Variants in HIVEP2 observed in about 807,000 individuals in gnomAD.
HIVEP2 encodes the protein transcription factor HIVEP2.
Under a neutral mutation model 180.7 loss-of-function variants are expected in HIVEP2, and 14 were observed. That is an observed-to-expected ratio of 0.08 (90% CI 0.05 to 0.12). The LOEUF (loss-of-function observed/expected upper bound fraction) is 0.12. HIVEP2 is among the 10% of genes least tolerant of loss of function. HIVEP2 has a pLI of 1.00. For missense variants in HIVEP2, 2,579 were observed against 3,008.5 expected, an observed-to-expected ratio of 0.86 and a Z score of 3.34; for synonymous variants, 1,184 against 1,136.4, an observed-to-expected ratio of 1.04 and a Z score of -0.84.
At chr6:142,860,272 T>A (rs1775941923) in intron 1 of HIVEP2, among the ~76,000 whole-genome samples, 1 of 152,168 alleles carries the variant, frequency 6.6e-6, no homozygotes, top group Non-Finnish European at 1.5e-5. Context: ...TATATGTATA[T>A]TTTATCATTT....
chr6:142,903,860 T>C (rs988491112), intron 1 of HIVEP2, among the ~76,000 whole-genome samples: 4 of 151,766 alleles, frequency 2.6e-5, no homozygotes, highest in African/African-American at 9.7e-5. Context: ...ACAAAGCAAA[T>C]GATTGCACCA....
At chr6:142,867,941 A>G (rs1361550741) in intron 1 of HIVEP2, among the ~76,000 whole-genome samples, 1 of 152,188 alleles carries the variant, frequency 6.6e-6, no homozygotes. Flanking sequence ...TAAATTTCCA[A>G]CAGTCTCACG....
At chr6:142,914,270 T>A (rs1777494277) in intron 1 of HIVEP2, among the ~76,000 whole-genome samples, 1 of 152,216 alleles carries the variant, frequency 6.6e-6, no homozygotes, top group Non-Finnish European at 1.5e-5. Context: ...TCAGAATGTG[T>A]CTTACTATGG....
At chr6:142,793,930 G>A (rs1309411038) in intron 2 of HIVEP2, 1 of 152,078 alleles carries the variant, frequency 6.6e-6, no homozygotes, top group Non-Finnish European at 1.5e-5. Context: ...GTCTCCCAAA[G>A]TGTTGGGATT....
chr6:142,759,857 G>A lies in HIVEP2; in HGVS notation c.6431C>T (p.Pro2144Leu). Residue 2144 changes from proline to leucine, a missense_variant, in exon 9 of 10, where the codon CCA (proline) becomes CTA (leucine). Transcript: ENST00000367603. ...ERRYMTTIRA[P>L]SPRRALYHNP... ...ATGGTATAAAGCCCTTCTGGGAGAT[G>A]GCGCTCTTATTGTGGTCATGTATCT... The A allele has an allele frequency of 1.2e-6, 2 of 1,614,100 alleles. No homozygotes were observed. The highest frequency in any genetic ancestry group is 1.7e-6 in the Non-Finnish European group (2 of 1,179,956).
At chr6:142,755,069 C>A (rs9496454) in intron 9 of HIVEP2, among the ~76,000 whole-genome samples, 1,893 of 152,260 alleles carry the variant, frequency 0.012, 40 homozygotes, top group African/African-American at 0.044. Context: ...AGAAACTGTT[C>A]TATTTCAAGA....
intron 1 of HIVEP2, among the ~76,000 whole-genome samples, chr6:142,845,913 G>A (rs1775503599): frequency 6.6e-6 from 1 of 152,256 alleles, no homozygotes; most frequent in African/African-American, 2.4e-5. Flanking sequence ...CTAAGCGACT[G>A]GGGACAGCCA....
intron 1 of HIVEP2, among the ~76,000 whole-genome samples, chr6:142,917,873 T>C (rs890283123): frequency 2.0e-5 from 3 of 152,166 alleles, no homozygotes; most frequent in Non-Finnish European, 2.9e-5. Flanking sequence ...CCTCCTGGGT[T>C]CAAGCAGTTC....
intron 1 of HIVEP2, among the ~76,000 whole-genome samples, chr6:142,897,262 G>A (rs1236764887): frequency 6.6e-6 from 1 of 152,184 alleles, no homozygotes; most frequent in Admixed American, 6.5e-5. Flanking sequence ...GTTGAGGACA[G>A]TTAGGACCCT....
intron 1 of HIVEP2, among the ~76,000 whole-genome samples, chr6:142,939,089 A>C (rs1180347947): frequency 1.3e-5 from 2 of 152,208 alleles, no homozygotes; most frequent in Admixed American, 6.5e-5. Flanking sequence ...TCCGTAGTAA[A>C]AAAAATTTTA....
At chr6:142,831,958 A>G (rs1351477895) in intron 2 of HIVEP2, among the ~76,000 whole-genome samples, 2 of 152,128 alleles carry the variant, frequency 1.3e-5, no homozygotes, top group African/African-American at 4.8e-5. Context: ...TTGGGAGGCC[A>G]AGGTGGGTGG....
At position 142,768,639 on chromosome 6, in the gene HIVEP2, T is replaced by C; in HGVS notation, c.5188-103A>G. ...TCTCTGAAAATGAGCCTAAATTCTG[T>C]ACTAAAAGGCCAGGAACTAGTTATA... On this transcript the variant is annotated intron_variant, in intron 5 of 9. Transcript: ENST00000367603. 4.3e-6 allele frequency: 5 copies of C among 1,153,568 alleles called. No homozygotes were observed. The East Asian group carries it at 1.2e-4, about 28-fold the overall frequency. The allele number at this position is 1,153,568 out of a possible 1,614,324, so 71.5% of individuals were successfully genotyped here.
intron 1 of HIVEP2, among the ~76,000 whole-genome samples, chr6:142,929,801 C>T (rs1473173205): frequency 6.6e-6 from 1 of 152,106 alleles, no homozygotes; most frequent in Non-Finnish European, 1.5e-5. Flanking sequence ...TAAGTTGTTA[C>T]CATAATGTTT....
At chr6:142,890,538 T>C (rs1415565883) in intron 1 of HIVEP2, among the ~76,000 whole-genome samples, 1 of 152,164 alleles carries the variant, frequency 6.6e-6, no homozygotes, top group Non-Finnish European at 1.5e-5. Flanking sequence ...CACAGAGAGA[T>C]GGATCAGAGT....
intron 1 of HIVEP2, among the ~76,000 whole-genome samples, chr6:142,883,205 G>C (rs1032773800): frequency 6.6e-6 from 1 of 151,970 alleles, no homozygotes; most frequent in Non-Finnish European, 1.5e-5. Flanking sequence ...GAGAAAGGGG[G>C]GAAAAGCTTT....
At chr6:142,813,775 CG>C (rs1400873035) in intron 2 of HIVEP2, among the ~76,000 whole-genome samples, 3 of 151,704 alleles carry the variant, frequency 2.0e-5, no homozygotes, top group Non-Finnish European at 4.4e-5. Context: ...CTGTATTGCC[CG>C]GGCTGGTCTC....
chr6:142,842,989 G>T (rs1775407481), intron 1 of HIVEP2, among the ~76,000 whole-genome samples: 4 of 152,130 alleles, frequency 2.6e-5, no homozygotes, highest in Admixed American at 2.6e-4. Flanking sequence ...TGTCTGCTAC[G>T]ATCAGATACC....
At chr6:142,791,081 T>A (rs1776126248) in intron 2 of HIVEP2, among the ~76,000 whole-genome samples, 1 of 152,160 alleles carries the variant, frequency 6.6e-6, no homozygotes, top group Admixed American at 6.5e-5. Context: ...CTCTTGACAA[T>A]TTTCCTAGAG....
At chr6:142,778,519 T>G (rs1775762518) in intron 3 of HIVEP2, among the ~76,000 whole-genome samples, 1 of 152,322 alleles carries the variant, frequency 6.6e-6, no homozygotes, top group African/African-American at 2.4e-5. Flanking sequence ...TTTTTCAGAT[T>G]TAATATTTTA....
Sources: allele counts gnomAD v4.1 joint callset (sites outside exome capture counted in the v4.1 genomes callset), GRCh38; gene constraint gnomAD v4.1.1; transcripts MANE v1.5; gene names NCBI Gene and HGNC (gene_info 2026-07-23, HGNC 2026-07-21).